EFCAB7: variants seen among roughly 807,000 people sequenced by gnomAD.
EFCAB7 encodes the protein EF-hand calcium binding domain 7, also known as EF-hand calcium-binding domain-containing protein 7.
In EFCAB7, 66 loss-of-function variants were observed where a neutral mutation model predicts 77.1. The observed-to-expected ratio is 0.86, with a 90% confidence interval of 0.70 to 1.05. The LOEUF is 1.05. Among genes scored for constraint, EFCAB7 ranks in the 50% least tolerant of loss-of-function variants. The pLI, the probability that EFCAB7 is intolerant of heterozygous loss-of-function variation, is 0.00. For missense variants in EFCAB7, 638 were observed against 730.5 expected (o/e 0.87, Z 1.46); for synonymous variants, 225 against 243.3 (o/e 0.92, Z 0.70).
chr1:63,556,798 G>A (rs1428720058), intron 9 of EFCAB7, among the ~76,000 whole-genome samples: 6 of 151,460 alleles, frequency 4.0e-5, no homozygotes, highest in Non-Finnish European at 8.8e-5. Context: ...TGAGGCGGGC[G>A]GATCACGAGG....
chr1:63,572,838 C>T (rs982636108), downstream of EFCAB7: 32 of 254,334 alleles, frequency 1.3e-4, no homozygotes, highest in Non-Finnish European at 1.6e-4. Flanking sequence ...TTTTATAGGA[C>T]GTGGGTAGGT....
intron 7 of EFCAB7, 63 bp from the exon 8 acceptor site, chr1:63,551,662 A>T: frequency 1.5e-6 from 1 of 661,932 alleles, no homozygotes; most frequent in Non-Finnish European, 2.3e-6. Flanking sequence ...TATTTTTTAT[A>T]TAGGAAAGAA....
At chr1:63,552,574 T>C (rs1162914799) in intron 8 of EFCAB7, among the ~76,000 whole-genome samples, 2 of 152,238 alleles carry the variant, frequency 1.3e-5, no homozygotes, top group Non-Finnish European at 2.9e-5. Flanking sequence ...AATGTTTTTA[T>C]ATGTTGCCCA....
chr1:63,566,230 G>T (rs1336983703), intron 11 of EFCAB7, among the ~76,000 whole-genome samples: 1 of 152,206 alleles, frequency 6.6e-6, no homozygotes, highest in Non-Finnish European at 1.5e-5. Context: ...ATTATCCTTA[G>T]CAAACTAATG....
chr1:63,548,434 T>G (rs971323950), intron 7 of EFCAB7: 1 of 152,264 alleles, frequency 6.6e-6, no homozygotes, highest in Non-Finnish European at 1.5e-5. Context: ...CTAGGTAGTT[T>G]TTGTTTTTGT....
chr1:63,542,325 T>G (rs1470883419), intron 6 of EFCAB7, among the ~76,000 whole-genome samples: 2 of 152,250 alleles, frequency 1.3e-5, no homozygotes, highest in Admixed American at 6.5e-5. Context: ...TTGTATGTAT[T>G]TACCATGTTT....
chr1:63,562,202 G>A (rs1647109861), intron 11 of EFCAB7, among the ~76,000 whole-genome samples: 2 of 151,762 alleles, frequency 1.3e-5, no homozygotes, highest in African/African-American at 4.8e-5. Context: ...ACAGTTTAAA[G>A]GCTCTCTTAG....
chr1:63,564,840 C>G (rs1647151471), intron 11 of EFCAB7, among the ~76,000 whole-genome samples: 1 of 152,188 alleles, frequency 6.6e-6, no homozygotes. Flanking sequence ...ACCAAAACAG[C>G]ATGGTACTGG....
chr1:63,556,193 A>G (rs77413413), intron 9 of EFCAB7, among the ~76,000 whole-genome samples: 6,922 of 152,274 alleles, frequency 0.045, 220 homozygotes, highest in Non-Finnish European at 0.065. Flanking sequence ...TCTGTTGACA[A>G]TATGGTGATT....
chr1:63,559,548 T>C (rs1647070566), intron 10 of EFCAB7, among the ~76,000 whole-genome samples: 1 of 152,098 alleles, frequency 6.6e-6, no homozygotes, highest in South Asian at 2.1e-4. Context: ...CTGCAACCCC[T>C]GCCTCCAGGC....
chr1:63,546,177 A>G (rs1646896278), intron 7 of EFCAB7, 120 bp downstream of exon 7: 1 of 1,094,706 alleles, frequency 9.1e-7, no homozygotes, highest in Non-Finnish European at 1.3e-6. Context: ...GTAAGAATTT[A>G]TGGTTACATT....
At chr1:63,552,882 C>T (rs1557682308) in intron 8 of EFCAB7, among the ~76,000 whole-genome samples, 1 of 152,196 alleles carries the variant, frequency 6.6e-6, no homozygotes, top group African/African-American at 2.4e-5. Context: ...TTTGACTAAA[C>T]TCTTCTTCAG....
intron 6 of EFCAB7, among the ~76,000 whole-genome samples, chr1:63,542,433 G>T (rs754330381): frequency 2.6e-5 from 4 of 152,166 alleles, no homozygotes; most frequent in Non-Finnish European, 5.9e-5. Context: ...ATACCTGTTT[G>T]AGTCTCTGCT....
Position 63,525,590 on chromosome 1 carries a change from A to G in EFCAB7, c.18A>G (p.Arg6=). The G allele has an allele frequency of 6.4e-7, 1 of 1,568,590 alleles. No individual in the cohort carries two copies. Among genetic ancestry groups the G allele is most frequent in the Non-Finnish European group, 8.6e-7 (1 of 1,167,716 alleles). Residue 6 remains arginine, a synonymous_variant, in exon 2 of 14, where the codon CGA becomes CGG. Transcript: ENST00000371088. ...CCAATAGAATGGCGATCAGTCCACG[A>G]AGCGATGCAACTTTCTCCAGTCAGA... MAISP[R]SDATFSSQKS... is the part of the protein sequence containing the mutation.
At position 63,557,255 on chromosome 1, in the gene EFCAB7, C is replaced by G. The variant is rs1217889031; in HGVS notation, c.1348+8C>G. On this transcript the variant is annotated splice_region_variant and intron_variant, in intron 10 of 13. Coordinates refer to ENST00000371088, the MANE Select transcript of EFCAB7 (RefSeq NM_032437.4). ...CTTGGGCTGTCTGCAGAGGTAAGCA[C>G]TTTTCTTTTCCTTAACAGATGTATA... 3 of 1,589,980 alleles carry G rather than the reference C, an allele frequency of 1.9e-6. No homozygotes were observed. Among genetic ancestry groups the G allele is most frequent in the Admixed American group, 3.9e-5 (2 of 51,722 alleles).
At chr1:63,571,348 T>C (rs1252796098) in intron 13 of EFCAB7, among the ~76,000 whole-genome samples, 1 of 152,226 alleles carries the variant, frequency 6.6e-6, no homozygotes, top group Non-Finnish European at 1.5e-5. Context: ...CATTTATTTC[T>C]ATGTTCCAGT....
At chr1:63,541,665 A>G (rs1448912074) in intron 6 of EFCAB7, among the ~76,000 whole-genome samples, 1 of 152,110 alleles carries the variant, frequency 6.6e-6, no homozygotes, top group African/African-American at 2.4e-5. Flanking sequence ...CCCGGTTTCA[A>G]GGAATTCTCC....
chr1:63,534,440 A>C (rs990341666), intron 6 of EFCAB7: 2 of 343,848 alleles, frequency 5.8e-6, no homozygotes, highest in Non-Finnish European at 5.2e-6. Context: ...AAGTTTTATA[A>C]CCTGATGAGT....
At chr1:63,584,512 A>G in the EFCAB7 span, among the ~76,000 whole-genome samples, 1 of 152,170 alleles carries the variant, frequency 6.6e-6, no homozygotes, top group Non-Finnish European at 1.5e-5. Flanking sequence ...TGATTGCACC[A>G]CCACAATCCA....
Sources: allele counts gnomAD v4.1 joint callset (sites outside exome capture counted in the v4.1 genomes callset), GRCh38; gene constraint gnomAD v4.1.1; transcripts MANE v1.5; gene names NCBI Gene and HGNC (gene_info 2026-07-23, HGNC 2026-07-21).